Variants in DLG5 observed in about 807,000 individuals in gnomAD.
DLG5 encodes the protein disks large homolog 5.
A neutral mutation model predicts 189.8 loss-of-function variants in DLG5; 48 were observed. The ratio of observed to expected loss-of-function variants is 0.25; its 90% CI spans 0.20 to 0.32. The LOEUF (loss-of-function observed/expected upper bound fraction) is 0.32. Among genes scored for constraint, DLG5 ranks in the 10% least tolerant of loss-of-function variants. DLG5 has a pLI of 1.00. For missense variants in DLG5, 2,160 were observed against 2,544.7 expected, an observed-to-expected ratio of 0.85 and a Z score of 3.25; for synonymous variants, 1,016 against 1,054.1, an observed-to-expected ratio of 0.96 and a Z score of 0.70.
At chr10:77,855,466 AT>A (rs1270759646) in intron 3 of DLG5, among the ~76,000 whole-genome samples, 12 of 152,378 alleles carry the variant, frequency 7.9e-5, no homozygotes, top group African/African-American at 2.9e-4. Context: ...CACACAGTAA[AT>A]ACTTTAGGCT....
In DLG5 at chr10:77,809,721, T is replaced by C; in HGVS notation, c.4473A>G (p.Gly1491=). The stretch of plus-strand genomic sequence containing the variant: ...GCTCCAGGGTCTTCTTGTTGGCATC[T>C]CCCGCAATCCTTTCAGGAAAAAAAC... ...PAKQSSSRIA[G]DANKKTLEPR... is the part of the protein sequence containing the mutation. Residue 1491 remains glycine, a synonymous_variant, in exon 24 of 32, where the codon GGA becomes GGG. Coordinates refer to ENST00000372391, the MANE Select transcript of DLG5 (RefSeq NM_004747.4). The C allele has an allele frequency of 6.2e-7, 1 of 1,611,048 alleles. No homozygotes were observed. Among genetic ancestry groups the C allele is most frequent in the South Asian group, 1.1e-5 (1 of 90,616 alleles).
At chr10:77,879,523 CA>C (rs1564571321) in intron 1 of DLG5, among the ~76,000 whole-genome samples, 1 of 151,898 alleles carries the variant, frequency 6.6e-6, no homozygotes, top group Non-Finnish European at 1.5e-5. Context: ...AGCATAGAAA[CA>C]AGTCAGACAG....
chr10:77,880,922 G>T (rs961471422), intron 1 of DLG5, among the ~76,000 whole-genome samples: 4 of 146,994 alleles, frequency 2.7e-5, no homozygotes, highest in Non-Finnish European at 4.5e-5. Context: ...TAAGCAGAGG[G>T]TCCCAACTCA....
chr10:77,794,896 G>C lies in DLG5; in HGVS notation c.5499C>G (p.Ile1833Met), dbSNP rs1224788719. The C allele has an allele frequency of 1.2e-6, 2 of 1,613,980 alleles. No individual in the cohort carries two copies. Among genetic ancestry groups the C allele is most frequent in the Non-Finnish European group, 1.7e-6 (2 of 1,180,024 alleles). Residue 1833 changes from isoleucine to methionine, a missense_variant, in exon 30 of 32, where the codon ATC becomes ATG. Around this residue, in one of 5 missense-constraint regions of DLG5, gnomAD observed 574 missense variants for 644.2 expected, o/e 0.89. Coordinates refer to ENST00000372391, the MANE Select transcript of DLG5 (RefSeq NM_004747.4). ...HAIERLHHMH[I>M]YPIVIFIHYK... ...AGTGGATGAAGATGACAATGGGGTAGATGTGCATGTGGTGGAGCCGCTCAA... is the reference window on the plus strand; with the variant it reads ...AGTGGATGAAGATGACAATGGGGTACATGTGCATGTGGTGGAGCCGCTCAA...
intron 27 of DLG5, among the ~76,000 whole-genome samples, chr10:77,805,087 A>G (rs1445392799): frequency 2.0e-5 from 3 of 152,104 alleles, no homozygotes; most frequent in African/African-American, 7.2e-5. Context: ...CTCCTGCCTC[A>G]GCCTCCCAAG....
chr10:77,866,128 T>C (rs1006746156), intron 2 of DLG5, among the ~76,000 whole-genome samples: 1 of 152,168 alleles, frequency 6.6e-6, no homozygotes, highest in Non-Finnish European at 1.5e-5. Flanking sequence ...CTTCTGCCTC[T>C]CATCAGGTGT....
At chr10:77,871,888 C>T (rs1257300656) in intron 1 of DLG5, among the ~76,000 whole-genome samples, 2 of 152,122 alleles carry the variant, frequency 1.3e-5, no homozygotes, top group Non-Finnish European at 2.9e-5. Context: ...ATATCATACA[C>T]ATTACATGTT....
Position 77,816,228 on chromosome 10 carries a change from T to A in DLG5, c.4025+323A>T, listed in dbSNP as rs996685990. 14 of 603,666 alleles carry A rather than the reference T, an allele frequency of 2.3e-5. No individual in the cohort carries two copies. The African/African-American group carries it at 2.5e-4, about 11-fold the overall frequency. The allele number at this position is 603,666 out of a possible 1,614,324, so 37.4% of individuals were successfully genotyped here. ...GACACTGGCAGGGTCCCTGTAAGGA[T>A]CTCGTGACTTAGCCACACGTAAAGT... On this transcript the variant is annotated intron_variant, in intron 20 of 31. Transcript: ENST00000372391.
chr10:77,847,456 A>C (rs1843751442), intron 5 of DLG5, among the ~76,000 whole-genome samples: 1 of 152,098 alleles, frequency 6.6e-6, no homozygotes, highest in Non-Finnish European at 1.5e-5. Flanking sequence ...GCAGGCCCCA[A>C]ACACTTCTCA....
intron 15 of DLG5, chr10:77,820,226 A>C: frequency 1.8e-6 from 1 of 568,092 alleles, no homozygotes; most frequent in Non-Finnish European, 2.9e-6. Flanking sequence ...GGTGCCTGTA[A>C]TCCCAGCTAC....
chr10:77,917,764 C>T (rs1846407142), intron 1 of DLG5, among the ~76,000 whole-genome samples: 1 of 152,270 alleles, frequency 6.6e-6, no homozygotes, highest in South Asian at 2.1e-4. Context: ...CAGTGGCTCA[C>T]GCCTGTAATC....
chr10:77,803,151 CAT>C (rs1341958696), intron 27 of DLG5, among the ~76,000 whole-genome samples: 1 of 152,098 alleles, frequency 6.6e-6, no homozygotes, highest in Non-Finnish European at 1.5e-5. Context: ...AAACAAAACA[CAT>C]GATTCATTTT....
rs76987332 is a variant in DLG5, at chr10:77,873,032, C to T, written c.305-3835G>A. Among the ~76,000 whole-genome samples the T allele has an allele frequency of 4.1e-3, 239 of 58,866 alleles. 1 individual carries two copies. The highest frequency in any genetic ancestry group is 6.0e-3 in the African/African-American group (69 of 11,476). The allele number at this position is 58,866 out of a possible 152,430, so 38.6% of individuals were successfully genotyped here. On this transcript the variant is annotated intron_variant, in intron 1 of 31. Transcript: ENST00000372391. ...CTCCTGATGTGTGTGTGTGTGTGTG[C>T]ACACACACACACACACACACGAGAG...
At chr10:77,806,401 T>C (rs1248628) in intron 26 of DLG5, among the ~76,000 whole-genome samples, 39,945 of 152,006 alleles carry the variant, frequency 0.26, 5,763 homozygotes, top group Admixed American at 0.39. Flanking sequence ...TTTGAGGTGA[T>C]GGAAATGCTC....
chr10:77,898,959 C>T (rs1845844947), intron 1 of DLG5, among the ~76,000 whole-genome samples: 1 of 152,204 alleles, frequency 6.6e-6, no homozygotes, highest in Non-Finnish European at 1.5e-5. Flanking sequence ...TATCAACTAG[C>T]CAGTGCTGGA....
the DLG5 span, among the ~76,000 whole-genome samples, chr10:77,937,384 T>C: frequency 6.6e-6 from 1 of 152,170 alleles, no homozygotes; most frequent in African/African-American, 2.4e-5. Context: ...CCATTATCTA[T>C]TGCCTTGCAT....
chr10:77,839,971 G>A (rs1589193658), intron 7 of DLG5, among the ~76,000 whole-genome samples: 2 of 152,256 alleles, frequency 1.3e-5, no homozygotes, highest in Admixed American at 1.3e-4. Flanking sequence ...ATTCAGACGG[G>A]CATAATAATG....
Position 77,926,075 on chromosome 10 carries a change from G to A in DLG5, c.304+142C>T, listed in dbSNP as rs4595491. On this transcript the variant is annotated intron_variant, in intron 1 of 31. Coordinates refer to ENST00000372391, the MANE Select transcript of DLG5 (RefSeq NM_004747.4). This position sits in a 1 kb window ranked among gnomAD's most constrained non-coding sequence, Gnocchi z 5.2. Reference sequence around the variant, plus strand: ...GGGACTTCGGGATCCGCGCACCGCCGCCTCCCCAACTGGGCCAGAGGAGCG... The same window carrying A: ...GGGACTTCGGGATCCGCGCACCGCCACCTCCCCAACTGGGCCAGAGGAGCG... The A allele has an allele frequency of 0.24, 209,366 of 878,902 alleles. 26,274 individuals carry two copies. Among genetic ancestry groups the A allele is most frequent in the South Asian group, 0.27 (5,637 of 21,198 alleles). 54.4% of individuals were successfully genotyped at this position (878,902 alleles called of 1,614,324 possible).
At chr10:77,869,272 G>T (rs960163579) in intron 1 of DLG5, 75 bp from the exon 2 acceptor site, 2 of 1,400,896 alleles carry the variant, frequency 1.4e-6, no homozygotes, top group Non-Finnish European at 2.0e-6. Flanking sequence ...CTGATCATCA[G>T]TCAATGCCAG....
Sources: gnomAD v4.1 joint callset for allele counts (sites outside exome capture counted in the v4.1 genomes callset) on GRCh38, gnomAD v4.1.1 for gene constraint, gnomAD v4.1.1 regional missense constraint, Gnocchi (gnomAD v3.1) non-coding constraint, MANE v1.5 for transcripts, NCBI Gene and HGNC (gene_info 2026-07-23, HGNC 2026-07-21) for gene names.